Variants in LRBA observed in about 807,000 individuals in gnomAD.
LRBA encodes the protein lipopolysaccharide-responsive and beige-like anchor protein.
In LRBA, 176 loss-of-function variants were observed where a neutral mutation model predicts 330.0. The observed-to-expected ratio is 0.53, with a 90% CI of 0.47 to 0.60. LRBA has a LOEUF of 0.60. Ranked by LOEUF, LRBA falls within the 20% of genes least tolerant of loss-of-function variation. LRBA has a pLI of 0.00. For missense variants in LRBA, 3,259 were observed against 3,444.8 expected (o/e 0.95, Z 1.35); for synonymous variants, 1,230 against 1,193.0 (o/e 1.03, Z -0.64).
intron 20 of LRBA, among the ~76,000 whole-genome samples, chr4:150,870,055 G>A (rs1753243199): frequency 6.6e-6 from 1 of 152,092 alleles, no homozygotes; most frequent in South Asian, 2.1e-4. Context: ...AAAGCAAGAT[G>A]AAAAAGGTAT....
At chr4:150,835,188 T>C (rs897166139) in intron 28 of LRBA, among the ~76,000 whole-genome samples, 2 of 152,216 alleles carry the variant, frequency 1.3e-5, no homozygotes, top group Non-Finnish European at 2.9e-5. Context: ...ACCAGTACCA[T>C]GCTGTTTTGG....
At chr4:150,525,806 T>C (rs925778521) in intron 40 of LRBA, among the ~76,000 whole-genome samples, 2 of 152,134 alleles carry the variant, frequency 1.3e-5, no homozygotes, top group African/African-American at 4.8e-5. Context: ...TTATGCTAGG[T>C]TGTAGGCAAG....
chr4:150,593,875 G>C (rs1021113594), intron 38 of LRBA, among the ~76,000 whole-genome samples: 2 of 151,898 alleles, frequency 1.3e-5, no homozygotes, highest in African/African-American at 4.8e-5. Context: ...GTTTAAAATA[G>C]CTCAAAAAAT....
At chr4:150,390,536 T>C (rs1296223654) in intron 47 of LRBA, among the ~76,000 whole-genome samples, 4 of 152,158 alleles carry the variant, frequency 2.6e-5, no homozygotes, top group African/African-American at 9.7e-5. Context: ...TCTAGAACCT[T>C]TCCTTCCCTT....
rs1745223311 is a variant in LRBA at position 151,014,584 on chromosome 4, C to T, written c.59G>A (p.Gly20Asp). 1.2e-6 allele frequency: 2 copies of T among 1,611,880 alleles called. No homozygotes were observed. Among genetic ancestry groups the T allele is most frequent in the African/African-American group, 1.3e-5 (1 of 74,924 alleles). ...SPPPTGDDGG[G>D]GGREETPTEG... ...AGTAGGGGTTTCTTCTCTCCCTCCA[C>T]CTCCCCCGTCATCACCTGTTGGTGG... is the stretch of plus-strand genomic sequence containing the variant. Residue 20 changes from glycine to aspartate, a missense_variant, in exon 2 of 57, where the codon GGT (glycine) becomes GAT (aspartate). Transcript: ENST00000651943.
chr4:150,870,943 A>C (rs769326485), intron 19 of LRBA, among the ~76,000 whole-genome samples: 3 of 152,156 alleles, frequency 2.0e-5, no homozygotes, highest in Non-Finnish European at 4.4e-5. Flanking sequence ...AAAGCTGTAC[A>C]TTACAAACTT....
At chr4:150,833,984 T>C (rs1044020580) in intron 28 of LRBA, among the ~76,000 whole-genome samples, 3 of 152,228 alleles carry the variant, frequency 2.0e-5, no homozygotes, top group African/African-American at 7.2e-5. Flanking sequence ...GAAACCAATT[T>C]CTTTGATTAT....
intron 2 of LRBA, among the ~76,000 whole-genome samples, chr4:150,970,145 G>C (rs1739362663): frequency 6.6e-6 from 1 of 152,072 alleles, no homozygotes; most frequent in African/African-American, 2.4e-5. Flanking sequence ...AAGCAATAAA[G>C]CATTTTTTTA....
intron 33 of LRBA, among the ~76,000 whole-genome samples, chr4:150,805,242 G>C (rs1742424641): frequency 7.6e-6 from 1 of 131,912 alleles, no homozygotes; most frequent in South Asian, 2.4e-4. Context: ...AGGAAAAGGA[G>C]AAGGAAAGGA....
At position 150,665,053 on chromosome 4, in the gene LRBA, G is replaced by GGA. The variant is rs1781449809; in HGVS notation, c.5921+18496_5921+18497dup. 9.2e-5 allele frequency among the ~76,000 whole-genome samples: 14 copies of GGA among 152,180 alleles called. No homozygotes were observed. The South Asian group carries it at 2.9e-3, about 32-fold the overall frequency. On this transcript the variant is annotated intron_variant, in intron 37 of 56. Coordinates refer to ENST00000651943, the MANE Select transcript of LRBA (RefSeq NM_001364905.1). ...CTTAGTACAAACAAAATCAACAAAGGGAGTGCCATGGTACAAGATCTAGAG... is the reference window on the plus strand; with the variant it reads ...CTTAGTACAAACAAAATCAACAAAGGGAGAGTGCCATGGTACAAGATCTAGAG...
chr4:150,669,610 G>A (rs1781870058), intron 37 of LRBA, among the ~76,000 whole-genome samples: 1 of 151,682 alleles, frequency 6.6e-6, no homozygotes, highest in Non-Finnish European at 1.5e-5. Context: ...CTGTCACCCA[G>A]GCTGGAGTGC....
chr4:150,482,015 T>C (rs571100108), intron 42 of LRBA, among the ~76,000 whole-genome samples: 48 of 152,244 alleles, frequency 3.2e-4, no homozygotes, highest in African/African-American at 1.1e-3. Context: ...ACATTCTTTG[T>C]TGTTGTTTTT....
intron 44 of LRBA, among the ~76,000 whole-genome samples, chr4:150,437,788 T>C (rs1751320635): frequency 6.6e-6 from 1 of 152,148 alleles, no homozygotes; most frequent in Non-Finnish European, 1.5e-5. Context: ...AACTATGGTT[T>C]TTAAGATAAT....
intron 47 of LRBA, among the ~76,000 whole-genome samples, chr4:150,400,747 A>G (rs891837522): frequency 1.3e-5 from 2 of 152,100 alleles, no homozygotes; most frequent in South Asian, 4.1e-4. Context: ...TAGCTACTCG[A>G]GAAGCTCACT....
chr4:150,923,267 C>T (rs944147710), intron 4 of LRBA, among the ~76,000 whole-genome samples: 2 of 151,630 alleles, frequency 1.3e-5, no homozygotes, highest in Admixed American at 1.3e-4. Flanking sequence ...ACTTTATCTA[C>T]TTCTTTAGCC....
intron 40 of LRBA, among the ~76,000 whole-genome samples, chr4:150,538,647 T>C (rs1296305942): frequency 1.3e-5 from 2 of 149,738 alleles, no homozygotes; most frequent in Non-Finnish European, 3.0e-5. Context: ...AGGGGGGAGA[T>C]GGGGAGGGGT....
intron 54 of LRBA, among the ~76,000 whole-genome samples, chr4:150,283,776 T>C: frequency 6.6e-6 from 1 of 152,226 alleles, no homozygotes; most frequent in East Asian, 1.9e-4. Context: ...TATGCACTTT[T>C]GTGGCTAGCT....
intron 40 of LRBA, among the ~76,000 whole-genome samples, chr4:150,554,925 A>C (rs967939200): frequency 6.6e-6 from 1 of 152,180 alleles, no homozygotes; most frequent in Non-Finnish European, 1.5e-5. Flanking sequence ...TTACATATTC[A>C]TTCATTCAAA....
intron 2 of LRBA, among the ~76,000 whole-genome samples, chr4:150,992,024 A>G (rs573255881): frequency 6.6e-6 from 1 of 152,344 alleles, no homozygotes; most frequent in South Asian, 2.1e-4. Flanking sequence ...CTATGTCTTA[A>G]AAGTAACAAG....
Sources: gnomAD v4.1 joint callset for allele counts (sites outside exome capture counted in the v4.1 genomes callset) on GRCh38, gnomAD v4.1.1 for gene constraint, MANE v1.5 for transcripts, NCBI Gene and HGNC (gene_info 2026-07-23, HGNC 2026-07-21) for gene names.